Variants in MARCHF11 observed in about 807,000 individuals in gnomAD.
MARCHF11 encodes E3 ubiquitin-protein ligase MARCHF11.
In MARCHF11, 29 loss-of-function variants were observed where a neutral mutation model predicts 37.3. That is an observed-to-expected ratio of 0.78 (90% CI 0.58 to 1.06). MARCHF11 has a LOEUF of 1.06. Among genes scored for constraint, MARCHF11 ranks in the 50% least tolerant of loss-of-function variants. The pLI, the probability that MARCHF11 is intolerant of heterozygous loss-of-function variation, is 0.00. For missense variants in MARCHF11, 482 were observed against 533.4 expected (o/e 0.90, Z 0.95); for synonymous variants, 233 against 228.0 (o/e 1.02, Z -0.20).
chr5:16,153,270 G>GA (rs1232588001), intron 2 of MARCHF11, among the ~76,000 whole-genome samples: 2 of 151,954 alleles, frequency 1.3e-5, no homozygotes, highest in South Asian at 2.1e-4. Flanking sequence ...TCCTAGATGA[G>GA]AAAAAAGTGC....
chr5:16,141,142 C>T (rs572365226), intron 2 of MARCHF11: 44 of 152,414 alleles, frequency 2.9e-4, no homozygotes, highest in African/African-American at 1.0e-3. Context: ...GAGCAAACCT[C>T]TAACAGCATC....
chr5:16,149,633 T>C (rs980939369), intron 2 of MARCHF11, among the ~76,000 whole-genome samples: 1 of 152,128 alleles, frequency 6.6e-6, no homozygotes, highest in East Asian at 1.9e-4. Context: ...TGCATTTCCC[T>C]GCCTCTTGAC....
At chr5:16,160,213 G>T (rs939727736) in intron 2 of MARCHF11, among the ~76,000 whole-genome samples, 2 of 143,814 alleles carry the variant, frequency 1.4e-5, no homozygotes, top group Non-Finnish European at 3.0e-5. Flanking sequence ...TTTTGCCAGA[G>T]ATGTTATAAT....
chr5:16,136,946 T>C (rs1444647889), intron 2 of MARCHF11, among the ~76,000 whole-genome samples: 1 of 152,150 alleles, frequency 6.6e-6, no homozygotes, highest in African/African-American at 2.4e-5. Context: ...ACAAAAGTTA[T>C]CTAATCTAAA....
intron 2 of MARCHF11, among the ~76,000 whole-genome samples, chr5:16,095,487 AGGG>A (rs1560973118): frequency 0.014 from 533 of 38,422 alleles, 3 homozygotes; most frequent in African/African-American, 0.05. Flanking sequence ...GAAGGAAGGG[AGGG>A]AGGGAGGGAG....
At chr5:16,106,070 G>A (rs1560976111) in intron 2 of MARCHF11, among the ~76,000 whole-genome samples, 1 of 152,154 alleles carries the variant, frequency 6.6e-6, no homozygotes, top group Non-Finnish European at 1.5e-5. Flanking sequence ...TGGGAGCTGG[G>A]TGGACAGACA....
intron 3 of MARCHF11, among the ~76,000 whole-genome samples, chr5:16,081,496 TC>T (rs1736607002): frequency 6.6e-6 from 1 of 152,216 alleles, no homozygotes; most frequent in African/African-American, 2.4e-5. Context: ...CATTCTTAGA[TC>T]CCGGGCTGTA....
At chr5:16,116,643 A>T (rs914413452) in intron 2 of MARCHF11, among the ~76,000 whole-genome samples, 4 of 152,204 alleles carry the variant, frequency 2.6e-5, no homozygotes, top group Non-Finnish European at 5.9e-5. Context: ...TGGGATTAAA[A>T]AAAAAAAGTA....
chr5:16,173,903 G>T (rs1738313192), intron 2 of MARCHF11, among the ~76,000 whole-genome samples: 1 of 152,216 alleles, frequency 6.6e-6, no homozygotes. Context: ...TTTTGAAGAT[G>T]AGTCAATGGA....
chr5:16,119,698 C>G (rs1442903420), intron 2 of MARCHF11, among the ~76,000 whole-genome samples: 2 of 152,120 alleles, frequency 1.3e-5, no homozygotes, highest in African/African-American at 4.8e-5. Flanking sequence ...TTTTGGGATG[C>G]TGAGGTCCTA....
chr5:16,161,453 T>C (rs1353743632), intron 2 of MARCHF11, among the ~76,000 whole-genome samples: 1 of 151,938 alleles, frequency 6.6e-6, no homozygotes, highest in African/African-American at 2.4e-5. Context: ...AAGTTATGGA[T>C]GACATTTCCC....
rs1029324822 is a variant in MARCHF11, at chr5:16,125,631, G to C, written c.694-34550C>G. 0.012 allele frequency among the ~76,000 whole-genome samples: 572 copies of C among 48,580 alleles called. 4 individuals carry two copies. In the East Asian group the frequency reaches 0.14, roughly 12 times the overall value. 31.9% of individuals were successfully genotyped at this position (48,580 alleles called of 152,430 possible). On this transcript the variant is annotated intron_variant, in intron 2 of 3. Transcript: ENST00000332432. ...CCTGGCACACTCTCTGTGTGTGTGTGTGTGTGTGTGTGTGTGTGTGTGTGT... is the reference window on the plus strand; with the variant it reads ...CCTGGCACACTCTCTGTGTGTGTGTCTGTGTGTGTGTGTGTGTGTGTGTGT...
At chr5:16,147,325 C>T (rs552720863) in intron 2 of MARCHF11, among the ~76,000 whole-genome samples, 8 of 152,146 alleles carry the variant, frequency 5.3e-5, no homozygotes, top group Non-Finnish European at 1.2e-4. Flanking sequence ...TTATGGGCTT[C>T]ATTTCATTTA....
chr5:16,127,210 G>A (rs776685853), intron 2 of MARCHF11, among the ~76,000 whole-genome samples: 1 of 152,206 alleles, frequency 6.6e-6, no homozygotes. Context: ...CTGAGTTTCA[G>A]GCACAGAACA....
chr5:16,153,108 G>T (rs1013028407), intron 2 of MARCHF11, among the ~76,000 whole-genome samples: 1 of 151,960 alleles, frequency 6.6e-6, no homozygotes, highest in African/African-American at 2.4e-5. Context: ...AATGGCAGAA[G>T]CACAGAAAAG....
intron 3 of MARCHF11, among the ~76,000 whole-genome samples, chr5:16,090,316 T>C (rs927310848): frequency 6.6e-6 from 1 of 152,200 alleles, no homozygotes; most frequent in African/African-American, 2.4e-5. Context: ...TTATTTTAGC[T>C]AAAATGTTCG....
intron 2 of MARCHF11, among the ~76,000 whole-genome samples, chr5:16,143,936 C>T (rs563939078): frequency 3.9e-5 from 6 of 152,262 alleles, no homozygotes; most frequent in Non-Finnish European, 8.8e-5. Context: ...TCAGTAGATC[C>T]CACAGGTCCA....
At chr5:16,176,048 C>T (rs1738347992) in intron 2 of MARCHF11, among the ~76,000 whole-genome samples, 1 of 151,306 alleles carries the variant, frequency 6.6e-6, no homozygotes, top group Non-Finnish European at 1.5e-5. Context: ...AAGCAAGAGA[C>T]AGTAGTAACC....
At chr5:16,108,928 G>A (rs1737091306) in intron 2 of MARCHF11, among the ~76,000 whole-genome samples, 1 of 152,110 alleles carries the variant, frequency 6.6e-6, no homozygotes, top group South Asian at 2.1e-4. Flanking sequence ...GGTGATGATG[G>A]CCAAGGTCAC....
Sources: gnomAD v4.1 joint callset for allele counts (sites outside exome capture counted in the v4.1 genomes callset) on GRCh38, gnomAD v4.1.1 for gene constraint, MANE v1.5 for transcripts, NCBI Gene and HGNC (gene_info 2026-07-23, HGNC 2026-07-21) for gene names.